Variants in LRRTM4 observed in about 807,000 individuals in gnomAD.
The protein encoded by LRRTM4 is leucine rich repeat transmembrane neuronal 4.
LRRTM4 carries 25 observed loss-of-function variants against 47.6 expected under a neutral mutation model. That is an observed-to-expected ratio of 0.53 (90% CI 0.38 to 0.73). The LOEUF is 0.73. LRRTM4 is among the 30% of genes least tolerant of loss of function. The probability of loss-of-function intolerance (pLI) is 0.00; values close to 1 mark genes in which losing one functional copy is unlikely to be tolerated. For missense variants in LRRTM4, 638 were observed against 713.4 expected (o/e 0.89, Z 1.20); for synonymous variants, 311 against 269.5 (o/e 1.15, Z -1.51).
intron 3 of LRRTM4, among the ~76,000 whole-genome samples, chr2:77,026,704 T>C (rs1455287578): frequency 1.3e-5 from 2 of 151,928 alleles, no homozygotes; most frequent in Non-Finnish European, 2.9e-5. Context: ...TGCACTTCTG[T>C]TTGCCTATTA....
intron 3 of LRRTM4, among the ~76,000 whole-genome samples, chr2:76,807,949 C>CTTTCTTTTTCTT (rs1553412843): frequency 5.0e-5 from 7 of 139,946 alleles, no homozygotes; most frequent in South Asian, 2.3e-4. Flanking sequence ...TTCTTTCTTT[C>CTTTCTTTTTCTT]TTTCTTTTTC....
chr2:76,790,383 A>G (rs1046591930), intron 3 of LRRTM4, among the ~76,000 whole-genome samples: 4 of 152,204 alleles, frequency 2.6e-5, no homozygotes, highest in Non-Finnish European at 4.4e-5. Flanking sequence ...AGTTGGAAAG[A>G]TCTTGATTAG....
At chr2:77,431,639 G>T (rs1432150192) in intron 3 of LRRTM4, among the ~76,000 whole-genome samples, 2 of 149,170 alleles carry the variant, frequency 1.3e-5, no homozygotes, top group African/African-American at 5.2e-5. Flanking sequence ...ATGACAATCA[G>T]GGTGTGATTT....
At chr2:76,962,995 T>C (rs1337809813) in intron 3 of LRRTM4, among the ~76,000 whole-genome samples, 1 of 150,780 alleles carries the variant, frequency 6.6e-6, no homozygotes, top group African/African-American at 2.4e-5. Flanking sequence ...TGATTATCAA[T>C]GAACAAAAGG....
intron 3 of LRRTM4, among the ~76,000 whole-genome samples, chr2:77,152,987 T>C (rs998776343): frequency 3.9e-5 from 6 of 152,194 alleles, no homozygotes; most frequent in Non-Finnish European, 8.8e-5. Context: ...TGTAATATTC[T>C]ATAATTAACT....
chr2:76,908,103 T>C (rs1364583172), intron 3 of LRRTM4, among the ~76,000 whole-genome samples: 1 of 151,412 alleles, frequency 6.6e-6, no homozygotes, highest in Non-Finnish European at 1.5e-5. Flanking sequence ...AATAAAATAC[T>C]GGCAAACCGA....
chr2:76,942,430 G>C (rs572922057), intron 3 of LRRTM4, among the ~76,000 whole-genome samples: 29 of 151,482 alleles, frequency 1.9e-4, no homozygotes, highest in South Asian at 4.2e-4. Context: ...TTGGTGCTTT[G>C]CCCCTTGAAG....
At chr2:76,960,945 G>C (rs886347708) in intron 3 of LRRTM4, among the ~76,000 whole-genome samples, 1 of 151,356 alleles carries the variant, frequency 6.6e-6, no homozygotes, top group Non-Finnish European at 1.5e-5. Context: ...CCAATGTGTG[G>C]ATATTAAAGT....
chr2:76,970,281 C>A (rs951447057), intron 3 of LRRTM4, among the ~76,000 whole-genome samples: 2 of 151,970 alleles, frequency 1.3e-5, no homozygotes, highest in African/African-American at 4.8e-5. Flanking sequence ...CATCATGCTG[C>A]CTATTTTGTT....
intron 3 of LRRTM4, among the ~76,000 whole-genome samples, chr2:76,946,224 G>T (rs1161131011): frequency 6.6e-6 from 1 of 151,802 alleles, no homozygotes; most frequent in African/African-American, 2.4e-5. Context: ...ATATAAATAT[G>T]CATTCATGAC....
chr2:76,774,782 T>C (rs1558643739), intron 3 of LRRTM4, among the ~76,000 whole-genome samples: 1 of 152,186 alleles, frequency 6.6e-6, no homozygotes, highest in South Asian at 2.1e-4. Context: ...CTAAAAACAT[T>C]TCTATAGAGT....
At chr2:77,520,357 A>C (rs1350471180) in intron 2 of LRRTM4, among the ~76,000 whole-genome samples, 1 of 152,076 alleles carries the variant, frequency 6.6e-6, no homozygotes, top group Non-Finnish European at 1.5e-5. Context: ...AAGGTAACCC[A>C]AGTTTGCCCT....
chr2:76,845,543 C>T (rs1332153542), intron 3 of LRRTM4, among the ~76,000 whole-genome samples: 1 of 152,076 alleles, frequency 6.6e-6, no homozygotes, highest in Non-Finnish European at 1.5e-5. Flanking sequence ...CAGGCCTGAC[C>T]TGGAGGCTGG....
intron 3 of LRRTM4, among the ~76,000 whole-genome samples, chr2:76,790,896 G>T (rs1674937226): frequency 6.6e-6 from 1 of 152,100 alleles, no homozygotes; most frequent in Non-Finnish European, 1.5e-5. Flanking sequence ...TCCCACAGCA[G>T]GTTGTATTAG....
intron 3 of LRRTM4, among the ~76,000 whole-genome samples, chr2:76,840,101 A>G (rs2103928405): frequency 6.6e-6 from 1 of 152,294 alleles, no homozygotes; most frequent in East Asian, 1.9e-4. Context: ...ATGCTTTTGA[A>G]TATCATTGTT....
intron 3 of LRRTM4, among the ~76,000 whole-genome samples, chr2:76,980,476 T>A (rs531788005): frequency 2.6e-5 from 4 of 152,128 alleles, no homozygotes; most frequent in Admixed American, 1.3e-4. Context: ...ACAGATGGAA[T>A]AGTCCTACTA....
chr2:77,466,158 G>A (rs911481898), intron 3 of LRRTM4, among the ~76,000 whole-genome samples: 1 of 152,142 alleles, frequency 6.6e-6, no homozygotes, highest in African/African-American at 2.4e-5. Context: ...GTTCTCGGCA[G>A]AGTTTCAATT....
intron 3 of LRRTM4, among the ~76,000 whole-genome samples, chr2:77,489,210 G>A (rs1313522159): frequency 1.3e-5 from 2 of 152,100 alleles, no homozygotes; most frequent in African/African-American, 4.8e-5. Context: ...TTGTCCAGAA[G>A]ACTATAATCT....
rs76400996 is a variant in LRRTM4, at chr2:76,911,442, A to G, written c.1552-162526T>C. On this transcript the variant is annotated intron_variant, in intron 3 of 3. Coordinates refer to ENST00000409884, the MANE Select transcript of LRRTM4 (RefSeq NM_001134745.3). ...CAAAACAATTACATCAATCTGATATAAATCTCTTTGTTTTTGTATTCCCAT... is the reference window on the plus strand; with the variant it reads ...CAAAACAATTACATCAATCTGATATGAATCTCTTTGTTTTTGTATTCCCAT... 8.7e-3 allele frequency among the ~76,000 whole-genome samples: 1,333 copies of G among 152,346 alleles called. 26 individuals carry two copies. The highest frequency in any genetic ancestry group is 0.03 in the African/African-American group (1,228 of 41,590).
Sources: gnomAD v4.1 joint callset for allele counts (sites outside exome capture counted in the v4.1 genomes callset) on GRCh38, gnomAD v4.1.1 for gene constraint, MANE v1.5 for transcripts, NCBI Gene and HGNC (gene_info 2026-07-23, HGNC 2026-07-21) for gene names.